The following MAF variants were observed in gnomAD, a reference collection of about 807,000 sequenced individuals.
The protein encoded by MAF is MAF bZIP transcription factor.
Under a neutral mutation model 22.0 loss-of-function variants are expected in MAF, and 10 were observed. That is an observed-to-expected ratio of 0.45 (90% CI 0.28 to 0.77). The LOEUF is 0.77. MAF is among the 30% of genes least tolerant of loss of function. MAF has a pLI of 0.12. For missense variants in MAF, 544 were observed against 548.4 expected, an observed-to-expected ratio of 0.99 and a Z score of 0.08; for synonymous variants, 337 against 255.8, an observed-to-expected ratio of 1.32 and a Z score of -3.03.
At chr16:79,334,936 C>A in the MAF span, among the ~76,000 whole-genome samples, 1 of 151,646 alleles carries the variant, frequency 6.6e-6, no homozygotes, top group South Asian at 2.1e-4. Flanking sequence ...CCTGTAATCC[C>A]AGCACTTTGG....
chr16:79,307,667 T>C, the MAF span, among the ~76,000 whole-genome samples: 18 of 152,264 alleles, frequency 1.2e-4, no homozygotes, highest in East Asian at 3.5e-3. Context: ...AACCACACAA[T>C]GGACTAATGT....
At chr16:79,217,480 G>C in the MAF span, among the ~76,000 whole-genome samples, 1 of 152,138 alleles carries the variant, frequency 6.6e-6, no homozygotes, top group African/African-American at 2.4e-5. Context: ...AATCATTTTT[G>C]TACATGCCAT....
chr16:79,544,120 T>C, the MAF span, among the ~76,000 whole-genome samples: 1 of 152,038 alleles, frequency 6.6e-6, no homozygotes, highest in Non-Finnish European at 1.5e-5. Flanking sequence ...TGGTATGATA[T>C]GGTCAACCGT....
chr16:79,314,943 G>C, the MAF span, among the ~76,000 whole-genome samples: 13,026 of 152,238 alleles, frequency 0.086, 634 homozygotes, highest in Middle Eastern at 0.16. Context: ...ATGGCAAGGA[G>C]GAAGCAAAAT....
the MAF span, among the ~76,000 whole-genome samples, chr16:79,568,629 G>T: frequency 6.6e-6 from 1 of 152,150 alleles, no homozygotes; most frequent in Admixed American, 6.5e-5. Flanking sequence ...TCTGAGTCTT[G>T]GATCTGGCCT....
At chr16:79,208,855 A>T in the MAF span, among the ~76,000 whole-genome samples, 4 of 152,170 alleles carry the variant, frequency 2.6e-5, no homozygotes, top group African/African-American at 9.7e-5. Context: ...TCTCCAAGAG[A>T]CCAAAGGTGT....
chr16:79,262,460 G>T, the MAF span, among the ~76,000 whole-genome samples: 1 of 152,144 alleles, frequency 6.6e-6, no homozygotes, highest in Non-Finnish European at 1.5e-5. Context: ...TGGGGAGAAA[G>T]CCTTAAGACA....
the MAF span, among the ~76,000 whole-genome samples, chr16:79,259,399 C>A: frequency 6.6e-6 from 1 of 152,158 alleles, no homozygotes; most frequent in Non-Finnish European, 1.5e-5. Flanking sequence ...TGTGAAGTCA[C>A]CCCCAGTTGC....
chr16:79,564,714 G>A, the MAF span, among the ~76,000 whole-genome samples: 2 of 152,304 alleles, frequency 1.3e-5, no homozygotes, highest in African/African-American at 2.4e-5. Context: ...GTGGCTGTGG[G>A]GAAATCTGGC....
chr16:79,455,708 T>C, the MAF span, among the ~76,000 whole-genome samples: 35 of 152,328 alleles, frequency 2.3e-4, no homozygotes, highest in African/African-American at 8.4e-4. Context: ...CTGAAAATGT[T>C]GTATTTTTAG....
At position 79,600,638 on chromosome 16, in the gene MAF, G is replaced by T. The variant is rs781038443; in HGVS notation, c.-736C>A. The stretch of plus-strand genomic sequence containing the variant: ...AAATAGCGAAGTCCTGGGGAAAGAC[G>T]AGGCAGAGAGCAAAGGGGGGAGGGG... On this transcript the variant is annotated 5_prime_UTR_variant, in exon 1 of 2. Transcript: ENST00000326043. 7.1e-5 allele frequency: 14 copies of T among 197,446 alleles called. No homozygotes were observed. Among genetic ancestry groups the T allele is most frequent in the Non-Finnish European group, 1.5e-4 (13 of 86,120 alleles). The allele number at this position is 197,446 out of a possible 1,614,324, so 12.2% of individuals were successfully genotyped here.
the MAF span, among the ~76,000 whole-genome samples, chr16:79,226,821 C>A: frequency 3.3e-5 from 5 of 151,848 alleles, no homozygotes; most frequent in Admixed American, 6.6e-5. Context: ...CAAAATATGC[C>A]AGTGCTTGTA....
the MAF span, among the ~76,000 whole-genome samples, chr16:79,575,754 C>T: frequency 5.9e-5 from 9 of 152,184 alleles, no homozygotes; most frequent in Admixed American, 5.9e-4. Context: ...TATTTTATAT[C>T]CTTAATAGAT....
the MAF span, among the ~76,000 whole-genome samples, chr16:79,439,657 T>C: frequency 0.017 from 2,572 of 152,184 alleles, 84 homozygotes; most frequent in African/African-American, 0.059. Flanking sequence ...CTCTGCTCCA[T>C]TGGATGGAAA....
At chr16:79,407,447 A>C in the MAF span, among the ~76,000 whole-genome samples, 2 of 152,024 alleles carry the variant, frequency 1.3e-5, no homozygotes, top group Non-Finnish European at 2.9e-5. Flanking sequence ...AGCCCTTTGA[A>C]AGTTTCTCTC....
chr16:79,378,222 A>T, the MAF span, among the ~76,000 whole-genome samples: 1 of 152,202 alleles, frequency 6.6e-6, no homozygotes, highest in African/African-American at 2.4e-5. Context: ...CAACTGAAAC[A>T]GCCCCCAAAT....
chr16:79,340,242 C>T, the MAF span, among the ~76,000 whole-genome samples: 2 of 152,082 alleles, frequency 1.3e-5, no homozygotes, highest in Admixed American at 1.3e-4. Flanking sequence ...GAGAGCAGCA[C>T]CTTCTCTACC....
chr16:79,503,855 T>A, the MAF span, among the ~76,000 whole-genome samples: 1 of 152,248 alleles, frequency 6.6e-6, no homozygotes, highest in South Asian at 2.1e-4. Context: ...TATCTTATTT[T>A]TACTTTTTTG....
At chr16:79,455,854 AC>A in the MAF span, among the ~76,000 whole-genome samples, 1 of 151,984 alleles carries the variant, frequency 6.6e-6, no homozygotes, top group Non-Finnish European at 1.5e-5. Flanking sequence ...TCTGTCTCTG[AC>A]AAAAATACAA....
Sources: gnomAD v4.1 joint callset for allele counts (sites outside exome capture counted in the v4.1 genomes callset) on GRCh38, gnomAD v4.1.1 for gene constraint, MANE v1.5 for transcripts, NCBI Gene and HGNC (gene_info 2026-07-23, HGNC 2026-07-21) for gene names.